The following GBP1 variants were observed in gnomAD, a reference collection of about 807,000 sequenced individuals.
GBP1 encodes the protein guanylate binding protein 1, also known as guanylate-binding protein 1.
A neutral mutation model predicts 69.5 loss-of-function variants in GBP1; 64 were observed. The observed-to-expected ratio is 0.92, with a 90% CI of 0.75 to 1.13. The LOEUF (loss-of-function observed/expected upper bound fraction) is 1.13. Ranked by LOEUF, GBP1 falls within the 50% of genes most tolerant of loss-of-function variation. GBP1 has a pLI of 0.00. For synonymous variants in GBP1, 250 were observed against 261.2 expected (o/e 0.96, Z 0.41); for missense variants, 630 against 704.1 (o/e 0.89, Z 1.19).
At chr1:89,063,894 G>A (rs1257667388) in intron 1 of GBP1, among the ~76,000 whole-genome samples, 4 of 152,084 alleles carry the variant, frequency 2.6e-5, no homozygotes, top group African/African-American at 9.7e-5. Context: ...GGCTCCTAAG[G>A]GTCATGTCCA....
At chr1:89,056,282 G>T in intron 7 of GBP1, 54 bp from the exon 8 acceptor site, 1 of 1,612,758 alleles carries the variant, frequency 6.2e-7, no homozygotes. Flanking sequence ...ATGTTAGCTT[G>T]ACCTCAGAAT....
chr1:89,052,526 T>G lies in GBP1; in HGVS notation c.*829A>C, dbSNP rs1490091512. ...GAGTGTTAAGAGTTAGAAAAGACTA[T>G]CATAAGCTTTAACATTCTAAATAAT... On this transcript the variant is annotated 3_prime_UTR_variant, in exon 11 of 11. Transcript: ENST00000370473. The G allele has an allele frequency of 6.6e-6, 1 of 152,206 alleles. No individual in the cohort carries two copies. Among genetic ancestry groups the G allele is most frequent in the African/African-American group, 2.4e-5 (1 of 41,464 alleles). 9.4% of individuals were successfully genotyped at this position (152,206 alleles called of 1,614,324 possible).
intron 10 of GBP1, 94 bp from the exon 11 acceptor site, chr1:89,053,562 T>G (rs1679970892): frequency 4.6e-6 from 7 of 1,523,296 alleles, no homozygotes; most frequent in Non-Finnish European, 6.1e-6. Context: ...TGTTATTTAA[T>G]TTTCTCTGAG....
chr1:89,053,216 T>A lies in GBP1; in HGVS notation c.*139A>T, dbSNP rs1465353187. On this transcript the variant is annotated 3_prime_UTR_variant, in exon 11 of 11. Transcript: ENST00000370473. ...TTTTTAAGAAAAAACATGATTTTGA[T>A]CATTGTACCACATGCCTTTATAAAC... 9.4e-6 allele frequency: 5 copies of A among 532,684 alleles called. No homozygotes were observed. The highest frequency in any genetic ancestry group is 1.6e-5 in the Non-Finnish European group (5 of 307,376). The allele number at this position is 532,684 out of a possible 1,614,324, so 33.0% of individuals were successfully genotyped here. A position where few individuals can be genotyped will look rare whatever the true frequency, so the allele number is the denominator to read the frequency against.
In GBP1 at chr1:89,057,980, A is replaced by G. The variant is rs767249468; in HGVS notation, c.874+12T>C. On this transcript the variant is annotated intron_variant, in intron 6 of 10. Transcript: ENST00000370473. The stretch of plus-strand genomic sequence containing the variant: ...TTAAACAATGAGCAGAAGTACTAGG[A>G]AGGGGACTTACGAGGCCCGTTGACC... 4.4e-6 allele frequency: 7 copies of G among 1,607,824 alleles called. No individual in the cohort carries two copies. In the Admixed American group the frequency reaches 1.2e-4, roughly 27 times the overall value.
Position 89,063,231 on chromosome 1 carries a change from C to A in GBP1, c.4G>T (p.Ala2Ser), listed in dbSNP as rs145654492. The A allele has an allele frequency of 2.1e-4, 334 of 1,613,798 alleles. No individual in the cohort carries two copies. In the African/African-American group the frequency reaches 4.0e-3, roughly 19 times the overall value. The change falls in exon 2 of 11, where the codon GCA (alanine) becomes TCA (serine). Residue 2 changes from alanine (A) to serine (S), a missense_variant. By Grantham distance (99) the Ala-to-Ser change is moderately conservative. Transcript: ENST00000370473. MASEIHMTGPMC... is the reference protein window; with the variant it reads MSSEIHMTGPMC... Reference sequence around the variant, plus strand: ...GGGCCTGTCATGTGGATCTCTGATGCCATGTCCAGGCTGTTCCCTTGTCTG... The same window carrying A: ...GGGCCTGTCATGTGGATCTCTGATGACATGTCCAGGCTGTTCCCTTGTCTG...
At chr1:89,053,909 T>C (rs1422330753) in intron 10 of GBP1, among the ~76,000 whole-genome samples, 21 of 152,358 alleles carry the variant, frequency 1.4e-4, no homozygotes, top group Middle Eastern at 6.8e-3. Context: ...TTTCTGCTCA[T>C]AAAGGTTTCT....
Position 89,052,789 on chromosome 1 carries a change from G to T in GBP1, c.*566C>A, listed in dbSNP as rs1679949878. 6.6e-6 allele frequency: 1 copy of T among 152,138 alleles called. No homozygotes were observed. Among genetic ancestry groups the T allele is most frequent in the Admixed American group, 6.5e-5 (1 of 15,284 alleles). 9.4% of individuals were successfully genotyped at this position (152,138 alleles called of 1,614,324 possible). ...TCACTCAATTCCTACTCCTGCCCAT[G>T]GTTTCTTCCACCTTCCTCTGGAGAA... On this transcript the variant is annotated 3_prime_UTR_variant, in exon 11 of 11. Coordinates refer to ENST00000370473, the MANE Select transcript of GBP1 (RefSeq NM_002053.3).
At chr1:89,055,313 T>A (rs1265590455) in intron 8 of GBP1, 98 bp from the exon 9 acceptor site, 30 of 1,568,258 alleles carry the variant, frequency 1.9e-5, no homozygotes, top group Non-Finnish European at 2.5e-5. Flanking sequence ...GGGAATTCTT[T>A]CTCTTGGCCC....
chr1:89,058,519 T>G (rs1489405954), intron 5 of GBP1: 4 of 518,034 alleles, frequency 7.7e-6, no homozygotes, highest in Non-Finnish European at 1.4e-5. Context: ...CATGTTTTAG[T>G]CTATGTTCTT....
At chr1:89,058,549 C>T in intron 5 of GBP1, 1 of 541,560 alleles carries the variant, frequency 1.8e-6, no homozygotes, top group Non-Finnish European at 3.3e-6. Context: ...ATCCATTGTA[C>T]TCCATACTCT....
Position 89,056,959 on chromosome 1 carries a change from G to A in GBP1, c.1050C>T (p.Leu350=). The change falls in exon 7 of 11, where the codon CTC becomes CTT. Residue 350 remains leucine, a synonymous_variant. Coordinates refer to ENST00000370473, the MANE Select transcript of GBP1 (RefSeq NM_002053.3). ...CCCTGTGCAGGTCCAGCAGCTCCTG[G>A]AGGGTTTCTGTGGGCAGCTGCACCT... ...GQKVQLPTET[L]QELLDLHRDS... 1 of 1,614,212 alleles carries A rather than the reference G, an allele frequency of 6.2e-7. No individual in the cohort carries two copies. Among genetic ancestry groups the A allele is most frequent in the Non-Finnish European group, 8.5e-7 (1 of 1,180,022 alleles).
chr1:89,063,403 G>A (rs1353738439), intron 1 of GBP1, 150 bp from the exon 2 acceptor site: 2 of 681,172 alleles, frequency 2.9e-6, no homozygotes, highest in African/African-American at 1.8e-5. Context: ...AGTTATGGAA[G>A]TATTGTCAAA....
intron 10 of GBP1, 53 bp downstream of exon 10, chr1:89,054,629 A>G (rs1447975442): frequency 5.3e-6 from 8 of 1,500,644 alleles, no homozygotes; most frequent in Admixed American, 1.8e-5. Flanking sequence ...GCGATCAGGG[A>G]GAATGGAGAG....
At chr1:89,060,469 A>C in intron 2 of GBP1, 145 bp from the exon 3 acceptor site, 1 of 620,902 alleles carries the variant, frequency 1.6e-6, no homozygotes, top group Non-Finnish European at 2.4e-6. Context: ...TCAAAGAAAT[A>C]GGAAATTTGA....
chr1:89,061,820 A>C (rs1434191853), intron 2 of GBP1, among the ~76,000 whole-genome samples: 1 of 152,152 alleles, frequency 6.6e-6, no homozygotes, highest in Non-Finnish European at 1.5e-5. Context: ...AGAAATAAAC[A>C]ACCAGATTAA....
intron 7 of GBP1, 102 bp downstream of exon 7, chr1:89,056,752 G>T: frequency 1.5e-6 from 2 of 1,310,482 alleles, no homozygotes; most frequent in Non-Finnish European, 1.1e-6. Flanking sequence ...CATTATGGAA[G>T]CTAGGAGGAA....
rs375443619 is a variant in GBP1, at chr1:89,053,342, A to G, written c.*13T>C. 8.1e-6 allele frequency: 13 copies of G among 1,601,024 alleles called. No homozygotes were observed. Among genetic ancestry groups the G allele is most frequent in the Admixed American group, 1.7e-5 (1 of 58,634 alleles). ...TTATGCCTTGGTTAGGGGTGACAGG[A>G]AGGCTCTGGTCTTTAGCTTATGGTA... On this transcript the variant is annotated 3_prime_UTR_variant, in exon 11 of 11. Transcript: ENST00000370473.
rs1485139286 is a variant in GBP1 at position 89,063,003 on chromosome 1, T to C, written c.190+42A>G. ...TCATAATGGAGGCTGACTGTGTAGATGGACAGAAGGGACTTGGCAGAGCTT... is the reference window on the plus strand; with the variant it reads ...TCATAATGGAGGCTGACTGTGTAGACGGACAGAAGGGACTTGGCAGAGCTT... On this transcript the variant is annotated intron_variant, in intron 2 of 10. Coordinates refer to ENST00000370473, the MANE Select transcript of GBP1 (RefSeq NM_002053.3). 1.9e-6 allele frequency: 3 copies of C among 1,608,042 alleles called. No homozygotes were observed. The Admixed American group carries it at 5.0e-5, about 27-fold the overall frequency.
Sources: gnomAD v4.1 joint callset for allele counts (sites outside exome capture counted in the v4.1 genomes callset) on GRCh38, gnomAD v4.1.1 for gene constraint, MANE v1.5 for transcripts, NCBI Gene and HGNC (gene_info 2026-07-23, HGNC 2026-07-21) for gene names.